SRFBP1: variants seen among roughly 807,000 people sequenced by gnomAD.
The protein encoded by SRFBP1 is serum response factor-binding protein 1.
SRFBP1 carries 47 observed loss-of-function variants against 45.5 expected under a neutral mutation model. The ratio of observed to expected loss-of-function variants is 1.03; its 90% CI spans 0.82 to 1.32. SRFBP1 has a LOEUF of 1.32. Ranked by LOEUF, SRFBP1 falls within the 40% of genes most tolerant of loss-of-function variation. The probability of loss-of-function intolerance (pLI) is 0.00; values close to 1 mark genes in which losing one functional copy is unlikely to be tolerated. For synonymous variants in SRFBP1, 203 were observed against 166.3 expected, an observed-to-expected ratio of 1.22 and a Z score of -1.70; for missense variants, 621 against 484.6, an observed-to-expected ratio of 1.28 and a Z score of -2.64.
exon 3 of SRFBP1, chr5:122,075,335 T>A: frequency 7.3e-7 from 1 of 1,379,214 alleles, no homozygotes; most frequent in Non-Finnish European, 9.8e-7. Context: ...AGACTTGCAT[T>A]TGTGATATCA....
chr5:122,018,032 G>T (rs926096316), intron 4 of SRFBP1, among the ~76,000 whole-genome samples: 1 of 152,220 alleles, frequency 6.6e-6, no homozygotes, highest in South Asian at 2.1e-4. Context: ...GAAGTAAATA[G>T]TGATGGGAAG....
At position 122,022,688 on chromosome 5, in the gene SRFBP1, C is replaced by G. The variant is rs1475525558; in HGVS notation, c.1105+281C>G. On this transcript the variant is annotated intron_variant, in intron 7 of 7. Coordinates refer to ENST00000339397, the MANE Select transcript of SRFBP1 (RefSeq NM_152546.3). The stretch of plus-strand genomic sequence containing the variant: ...CAACACTTTTTTTAAGTAAATTATG[C>G]AAGTTATATCTTAATTATTAGTGAT... 3.9e-5 allele frequency among the ~76,000 whole-genome samples: 6 copies of G among 152,112 alleles called. No homozygotes were observed. In the South Asian group the frequency reaches 8.3e-4, roughly 21 times the overall value.
At chr5:122,003,942 A>G (rs1380873888) in intron 4 of SRFBP1, among the ~76,000 whole-genome samples, 5 of 151,904 alleles carry the variant, frequency 3.3e-5, no homozygotes, top group African/African-American at 7.3e-5. Flanking sequence ...GTTTGTTTCT[A>G]TGTTTTATTT....
intron 3 of SRFBP1, among the ~76,000 whole-genome samples, chr5:121,981,845 T>C (rs1360659856): frequency 2.0e-5 from 3 of 152,016 alleles, no homozygotes; most frequent in African/African-American, 7.2e-5. Flanking sequence ...TCCTGCTGCT[T>C]AGTCAGAACT....
chr5:121,989,344 G>T (rs1048435817), intron 3 of SRFBP1, among the ~76,000 whole-genome samples: 2 of 152,084 alleles, frequency 1.3e-5, no homozygotes, highest in African/African-American at 4.8e-5. Flanking sequence ...GGGATTACAG[G>T]TGTGAGCCAC....
intron 3 of SRFBP1, among the ~76,000 whole-genome samples, chr5:121,980,866 C>T (rs892105226): frequency 9.9e-5 from 15 of 152,132 alleles, no homozygotes; most frequent in African/African-American, 3.4e-4. Flanking sequence ...GATTTCTTCT[C>T]TCTCCCTTCT....
At chr5:121,984,547 A>T (rs1327063443) in intron 3 of SRFBP1, among the ~76,000 whole-genome samples, 1 of 151,770 alleles carries the variant, frequency 6.6e-6, no homozygotes, top group Non-Finnish European at 1.5e-5. Context: ...CACATCTATG[A>T]ATAGATTTTT....
chr5:121,994,634 T>C lies in SRFBP1; in HGVS notation c.234T>C (p.Leu78=). Residue 78 remains leucine (L), a synonymous_variant, in exon 4 of 8, where the codon CTT becomes CTC. Transcript: ENST00000339397. ...CTGACATAGTAACTAAATCTGCTCT[T>C]GGTGATGATATCAACTTTGAAAAAA... ...LKPDIVTKSA[L]GDDINFEKIF... The C allele has an allele frequency of 6.3e-7, 1 of 1,597,836 alleles. No individual in the cohort carries two copies. The highest frequency in any genetic ancestry group is 8.5e-7 in the Non-Finnish European group (1 of 1,173,518).
At chr5:122,008,618 G>A (rs988786709) in intron 4 of SRFBP1, among the ~76,000 whole-genome samples, 2 of 151,998 alleles carry the variant, frequency 1.3e-5, no homozygotes, top group Non-Finnish European at 2.9e-5. Context: ...GCTATACCTA[G>A]GTGCTGTAAT....
chr5:122,004,623 T>C (rs1226638672), intron 4 of SRFBP1, among the ~76,000 whole-genome samples: 1 of 152,170 alleles, frequency 6.6e-6, no homozygotes, highest in Non-Finnish European at 1.5e-5. Context: ...CTTGGTTTTG[T>C]TGATCTCCTC....
intron 3 of SRFBP1, among the ~76,000 whole-genome samples, chr5:121,989,237 T>C (rs1752577755): frequency 6.6e-6 from 1 of 152,032 alleles, no homozygotes; most frequent in Non-Finnish European, 1.5e-5. Flanking sequence ...CTAATTTTTG[T>C]ATTTCTTTTT....
rs571941612 is a variant in SRFBP1, at chr5:122,073,354, A to G, written n.312-1961A>G. The stretch of plus-strand genomic sequence containing the variant: ...TCCATCCAAACAACATCTGACATCA[A>G]TTATACTGTAGATTTAAATATATAT... On this transcript the variant is annotated intron_variant and non_coding_transcript_variant, in intron 2 of 2. Coordinates refer to the SRFBP1 transcript ENST00000504881. Among the ~76,000 whole-genome samples the G allele has an allele frequency of 7.9e-5, 12 of 152,354 alleles. No individual in the cohort carries two copies. In the East Asian group the frequency reaches 1.5e-3, roughly 20 times the overall value.
rs367614924 is a variant in SRFBP1 at position 121,998,387 on chromosome 5, T to C, written c.270+3717T>C. 1.7e-3 allele frequency among the ~76,000 whole-genome samples: 242 copies of C among 145,320 alleles called. 3 individuals are homozygous for C. The highest frequency in any genetic ancestry group is 5.7e-3 in the African/African-American group (223 of 38,906). On this transcript the variant is annotated intron_variant, in intron 4 of 7. Transcript: ENST00000339397. Reference sequence around the variant, plus strand: ...GTAGGGACATGGATGAAATTGGAAATCATCATTCTCAGTAAACTATCGCAA... The same window carrying C: ...GTAGGGACATGGATGAAATTGGAAACCATCATTCTCAGTAAACTATCGCAA...
intron 2 of SRFBP1, among the ~76,000 whole-genome samples, chr5:122,059,520 A>G (rs535253650): frequency 6.6e-6 from 1 of 152,070 alleles, no homozygotes; most frequent in African/African-American, 2.4e-5. Flanking sequence ...AGCAAAATCT[A>G]TGTGTAAATT....
At chr5:122,077,878 C>T (rs949918933), downstream of SRFBP1, 3 of 1,535,516 alleles carry the variant, frequency 2.0e-6, no homozygotes, top group East Asian at 2.5e-5. This position sits in a 1 kb window ranked among gnomAD's most constrained non-coding sequence, Gnocchi z 4.9. Flanking sequence ...CCGGAGCCGC[C>T]GGCGGCTCGC....
intron 3 of SRFBP1, among the ~76,000 whole-genome samples, chr5:121,975,995 T>C (rs1752295176): frequency 6.6e-6 from 1 of 151,954 alleles, no homozygotes; most frequent in Non-Finnish European, 1.5e-5. Context: ...TGGGAGACTG[T>C]TTTACTGTAG....
chr5:122,047,095 G>T (rs1266891200), intron 2 of SRFBP1, among the ~76,000 whole-genome samples: 1 of 152,182 alleles, frequency 6.6e-6, no homozygotes, highest in Admixed American at 6.5e-5. Flanking sequence ...CATTGCTTTT[G>T]ATGTTTTAGA....
At chr5:122,073,943 T>C in intron 2 of SRFBP1, 3 of 1,406,874 alleles carry the variant, frequency 2.1e-6, no homozygotes, top group Non-Finnish European at 3.0e-6. Context: ...TGCTATTTAA[T>C]GCTAACTAAC....
chr5:122,014,570 A>G (rs1753159409), intron 4 of SRFBP1, among the ~76,000 whole-genome samples: 2 of 152,290 alleles, frequency 1.3e-5, no homozygotes, highest in East Asian at 1.9e-4. Context: ...GAAAAAAAAA[A>G]TTAAAAAAAT....
Sources: gnomAD v4.1 joint callset for allele counts (sites outside exome capture counted in the v4.1 genomes callset) on GRCh38, gnomAD v4.1.1 for gene constraint, Gnocchi (gnomAD v3.1) non-coding constraint, MANE v1.5 for transcripts, NCBI Gene and HGNC (gene_info 2026-07-23, HGNC 2026-07-21) for gene names.